Variants in NSD1 observed in about 807,000 individuals in gnomAD.
NSD1 encodes nuclear receptor binding SET domain protein 1.
NSD1 carries 26 observed loss-of-function variants against 242.7 expected under a neutral mutation model. That is an observed-to-expected ratio of 0.11 (90% confidence interval 0.08 to 0.15). The LOEUF (loss-of-function observed/expected upper bound fraction) is 0.15, where lower values mean the gene tolerates loss of function less well. NSD1 is among the 10% of genes least tolerant of loss of function. The probability of loss-of-function intolerance (pLI) is 1.00; values close to 1 mark genes in which losing one functional copy is unlikely to be tolerated. For missense variants in NSD1, 2,495 were observed against 3,272.8 expected (o/e 0.76, Z 5.80); for synonymous variants, 1,106 against 1,178.1 (o/e 0.94, Z 1.25).
chr5:177,203,097 T>C (rs1471426571), intron 3 of NSD1, among the ~76,000 whole-genome samples: 1 of 152,194 alleles, frequency 6.6e-6, no homozygotes, highest in Non-Finnish European at 1.5e-5. Context: ...GATTCTTTTC[T>C]GTGTTTTGAA....
chr5:177,151,700 T>C (rs1581138128), intron 2 of NSD1, among the ~76,000 whole-genome samples: 1 of 151,214 alleles, frequency 6.6e-6, no homozygotes, highest in African/African-American at 2.4e-5. Flanking sequence ...TTTTTTTTTT[T>C]TTATCTTTTG....
chr5:177,194,719 T>G (rs1217099470), intron 3 of NSD1, among the ~76,000 whole-genome samples: 1 of 143,284 alleles, frequency 7.0e-6, no homozygotes, highest in African/African-American at 2.6e-5. Context: ...TTTTTTTTTT[T>G]GAGGCAGAGC....
chr5:177,229,116 C>T (rs183153290), intron 5 of NSD1, among the ~76,000 whole-genome samples: 1 of 151,762 alleles, frequency 6.6e-6, no homozygotes, highest in East Asian at 1.9e-4. Context: ...AATTTGTCCC[C>T]TTTTTTGCTA....
At position 177,238,629 on chromosome 5, in the gene NSD1, C is replaced by A; in HGVS notation, c.4192+122C>A. 1 of 1,072,206 alleles carries A rather than the reference C, an allele frequency of 9.3e-7. No individual in the cohort carries two copies. Among genetic ancestry groups the A allele is most frequent in the Non-Finnish European group, 1.4e-6 (1 of 711,592 alleles). 66.4% of individuals were successfully genotyped at this position (1,072,206 alleles called of 1,614,324 possible). ...ATACAATAAACTACCCCCTTTTGTC[C>A]TGGGAAATACTTAAAATGATGGTTA... is the stretch of plus-strand genomic sequence containing the variant. On this transcript the variant is annotated intron_variant, in intron 7 of 22. Transcript: ENST00000439151. The surrounding 1 kb of genome is among the most constrained non-coding windows in gnomAD (Gnocchi z 4.6).
chr5:177,196,950 C>T (rs58219920), intron 3 of NSD1, among the ~76,000 whole-genome samples: 69 of 152,268 alleles, frequency 4.5e-4, no homozygotes, highest in African/African-American at 1.6e-3. Flanking sequence ...TACATACATA[C>T]CTATTATAAA....
At chr5:177,157,314 G>A (rs772112886) in intron 2 of NSD1, among the ~76,000 whole-genome samples, 3 of 151,926 alleles carry the variant, frequency 2.0e-5, no homozygotes, top group Non-Finnish European at 2.9e-5. Context: ...TGTGGTGAGC[G>A]GAGATCGTGC....
intron 5 of NSD1, among the ~76,000 whole-genome samples, chr5:177,213,038 A>ATT (rs1763484912): frequency 6.6e-6 from 1 of 152,200 alleles, no homozygotes; most frequent in Non-Finnish European, 1.5e-5. Flanking sequence ...TGTAGTACTT[A>ATT]TTTGAAGGTC....
intron 12 of NSD1, among the ~76,000 whole-genome samples, chr5:177,255,559 TTTTTG>T (rs777462072): frequency 1.3e-5 from 2 of 151,988 alleles, no homozygotes; most frequent in Non-Finnish European, 2.9e-5. Flanking sequence ...AGGTCTGTGG[TTTTTG>T]TTTTGTTTTG....
At chr5:177,242,832 A>G (rs1765987804) in intron 8 of NSD1, among the ~76,000 whole-genome samples, 1 of 152,196 alleles carries the variant, frequency 6.6e-6, no homozygotes, top group Non-Finnish European at 1.5e-5. Context: ...CCCAGCCAGA[A>G]TGGCCTTTAC....
intron 2 of NSD1, among the ~76,000 whole-genome samples, chr5:177,157,557 G>A (rs559744782): frequency 6.4e-4 from 98 of 152,140 alleles, no homozygotes; most frequent in African/African-American, 2.1e-3. Context: ...AAATTAGCCC[G>A]GTGTGGTGGC....
intron 2 of NSD1, among the ~76,000 whole-genome samples, chr5:177,179,754 T>A (rs527586251): frequency 4.9e-4 from 74 of 152,288 alleles, no homozygotes; most frequent in African/African-American, 1.7e-3. Context: ...GAGGAATTGA[T>A]TAACTAATGA....
chr5:177,185,629 T>G (rs1221993909), intron 2 of NSD1, among the ~76,000 whole-genome samples: 1 of 136,014 alleles, frequency 7.4e-6, no homozygotes, highest in Non-Finnish European at 1.5e-5. Context: ...ATTTGCTTTT[T>G]TGTTTGTTTT....
intron 3 of NSD1, among the ~76,000 whole-genome samples, chr5:177,197,267 CT>C (rs1390809685): frequency 2.0e-5 from 3 of 148,362 alleles, no homozygotes; most frequent in Admixed American, 6.7e-5. Flanking sequence ...AAGACTCCAT[CT>C]AAAAAAAAAA....
Position 177,211,429 on chromosome 5 carries a change from A to G in NSD1, c.3030A>G (p.Lys1010=), listed in dbSNP as rs1763330560. The change falls in exon 5 of 23, where the codon AAA becomes AAG. Residue 1010 remains lysine (K), a synonymous_variant. Transcript: ENST00000439151. ...AGAGAGACCTCCCTGCTTCTGGTAA[A>G]AGTCGTTCAGACTGTGTTACTAGGC... is the stretch of plus-strand genomic sequence containing the variant. ...SDKRDLPASG[K]SRSDCVTRRN... is the part of the protein sequence containing the mutation. 6.2e-7 allele frequency: 1 copy of G among 1,614,022 alleles called. No individual in the cohort carries two copies. Among genetic ancestry groups the G allele is most frequent in the Non-Finnish European group, 8.5e-7 (1 of 1,180,050 alleles).
At chr5:177,244,069 C>A (rs1766094192) in intron 8 of NSD1, 126 bp from the exon 9 acceptor site, 2 of 742,122 alleles carry the variant, frequency 2.7e-6, no homozygotes, top group South Asian at 3.0e-5. Flanking sequence ...AGGTTGATTT[C>A]TTTAATTGCT....
intron 5 of NSD1, among the ~76,000 whole-genome samples, chr5:177,225,759 A>G (rs1764587199): frequency 6.6e-6 from 1 of 152,124 alleles, no homozygotes; most frequent in Admixed American, 6.6e-5. Context: ...AAATATTTTC[A>G]TATAATTTTA....
rs531067789 is a variant in NSD1, at chr5:177,170,832, C to T, written c.928-21052C>T. On this transcript the variant is annotated intron_variant, in intron 2 of 22. Transcript: ENST00000439151. ...TAGTAATTCCTAATAGTTCCCTATTCCTACTCCTTGGTAACCTAAATTCTT... is the reference window on the plus strand; with the variant it reads ...TAGTAATTCCTAATAGTTCCCTATTTCTACTCCTTGGTAACCTAAATTCTT... Among the ~76,000 whole-genome samples, 15 of 152,128 alleles carry T rather than the reference C, an allele frequency of 9.9e-5. No individual in the cohort carries two copies. In the South Asian group the frequency reaches 3.1e-3, roughly 31 times the overall value.
chr5:177,280,599 C>G lies in NSD1; in HGVS notation c.5657C>G (p.Thr1886Ser), dbSNP rs765064431. 6.2e-7 allele frequency: 1 copy of G among 1,614,216 alleles called. No individual in the cohort carries two copies. Among genetic ancestry groups the G allele is most frequent in the South Asian group, 1.1e-5 (1 of 91,086 alleles). ...CCTATTGGCAGGGTACAGATCTTCA[C>G]TGCAGACTTATCTGAAATACCCCGT... ...NRPIGRVQIF[T>S]ADLSEIPRCN... The change falls in exon 18 of 23, where the codon ACT becomes AGT. Residue 1886 changes from threonine (T) to serine (S), a missense_variant. By Grantham distance (58) the Thr-to-Ser change is moderately conservative (BLOSUM62 1). Transcript: ENST00000439151.
intron 2 of NSD1, among the ~76,000 whole-genome samples, chr5:177,191,183 C>T (rs542725051): frequency 5.3e-5 from 8 of 149,688 alleles, no homozygotes; most frequent in African/African-American, 2.0e-4. Flanking sequence ...TTGGCCAGGC[C>T]GGTCACGAAC....
Sources: allele counts gnomAD v4.1 joint callset (sites outside exome capture counted in the v4.1 genomes callset), GRCh38; gene constraint gnomAD v4.1.1; non-coding constraint Gnocchi (gnomAD v3.1); transcripts MANE v1.5; gene names NCBI Gene and HGNC (gene_info 2026-07-23, HGNC 2026-07-21).